UFD1: variants seen among roughly 807,000 people sequenced by gnomAD.
UFD1 encodes ubiquitin recognition factor in ER-associated degradation protein 1.
UFD1 carries 13 observed loss-of-function variants against 45.9 expected under a neutral mutation model. The ratio of observed to expected loss-of-function variants is 0.28; its 90% CI spans 0.18 to 0.45. UFD1 has a LOEUF of 0.45. Among genes scored for constraint, UFD1 ranks in the 20% least tolerant of loss-of-function variants. UFD1 has a pLI of 1.00. For missense variants in UFD1, 218 were observed against 389.2 expected, an observed-to-expected ratio of 0.56 and a Z score of 3.70; for synonymous variants, 128 against 139.2, an observed-to-expected ratio of 0.92 and a Z score of 0.56.
intron 3 of UFD1, 86 bp from the exon 4 acceptor site, chr22:19,471,894 C>A (rs2089848908): frequency 1.8e-5 from 27 of 1,537,154 alleles, no homozygotes; most frequent in Non-Finnish European, 2.4e-5. Flanking sequence ...GGAGCCTCCC[C>A]ACAATCCTGC....
At chr22:19,451,711 A>C in intron 11 of UFD1, 1 of 985,426 alleles carries the variant, frequency 1.0e-6, no homozygotes, top group Non-Finnish European at 1.2e-6. Context: ...CATTCATGTA[A>C]ATTTGAGTCA....
intron 1 of UFD1, 62 bp from the exon 2 acceptor site, chr22:19,475,664 A>G (rs1359351888): frequency 3.2e-6 from 5 of 1,575,768 alleles, no homozygotes; most frequent in Non-Finnish European, 4.4e-6. Context: ...GTCAAAAGCC[A>G]AAACATGTCA....
intron 6 of UFD1, among the ~76,000 whole-genome samples, chr22:19,462,764 T>C (rs575246672): frequency 1.3e-5 from 2 of 152,316 alleles, no homozygotes; most frequent in South Asian, 2.1e-4. Context: ...TACTGCTTTA[T>C]ATGGCAACAT....
At chr22:19,470,083 G>A (rs774736216) in intron 4 of UFD1, 7 of 503,974 alleles carry the variant, frequency 1.4e-5, no homozygotes, top group East Asian at 1.1e-4. Flanking sequence ...TCTACCGGAT[G>A]AGCACAATGT....
intron 11 of UFD1, chr22:19,452,082 G>T: frequency 2.7e-6 from 1 of 371,432 alleles, no homozygotes; most frequent in Non-Finnish European, 3.7e-6. Context: ...TGGTTGGTAT[G>T]TTAGTCTGCT....
At chr22:19,468,413 G>A (rs552665405) in intron 4 of UFD1, among the ~76,000 whole-genome samples, 4 of 152,278 alleles carry the variant, frequency 2.6e-5, no homozygotes, top group African/African-American at 7.2e-5. Flanking sequence ...AGGCTGACCT[G>A]GCAATGGAAT....
intron 4 of UFD1, chr22:19,471,267 T>C: frequency 1.9e-6 from 1 of 519,808 alleles, no homozygotes; most frequent in Non-Finnish European, 3.8e-6. Context: ...TTGAGAGATT[T>C]GGGAGACTAC....
At chr22:19,454,361 C>T in intron 11 of UFD1, 1 of 1,008,226 alleles carries the variant, frequency 9.9e-7, no homozygotes, top group Non-Finnish European at 1.2e-6. Flanking sequence ...TGGGAGGGAC[C>T]AGGTGGGAGG....
chr22:19,454,133 T>G (rs970271905), intron 11 of UFD1: 1 of 985,902 alleles, frequency 1.0e-6, no homozygotes, highest in African/African-American at 1.7e-5. Flanking sequence ...GGGCACACAG[T>G]TCTGTGATAA....
chr22:19,455,750 T>G lies in UFD1; in HGVS notation c.697A>C (p.Asn233His), dbSNP rs778193665. ...LGFRAFSGSGNRLDGKKKGVE... is the reference protein window; with the variant it reads ...LGFRAFSGSGHRLDGKKKGVE... ...CCTTTCTTCTTTCCATCCAGTCTAT[T>G]GCCAGATCCAGAGAAAGCCTAGACA... Residue 233 changes from asparagine (N) to histidine (H), a missense_variant, in exon 10 of 12, where the codon AAT (asparagine) becomes CAT (histidine). Physicochemically the swap from Asn to His is moderately conservative, Grantham distance 68 (BLOSUM62 1). This residue lies in a region of UFD1 where 149 missense variants were observed against 307.5 expected (regional missense o/e 0.48). Coordinates refer to ENST00000263202, the MANE Select transcript of UFD1 (RefSeq NM_005659.7). 6 of 1,613,940 alleles carry G rather than the reference T, an allele frequency of 3.7e-6. No homozygotes were observed. Among genetic ancestry groups the G allele is most frequent in the Non-Finnish European group, 5.1e-6 (6 of 1,179,950 alleles).
intron 9 of UFD1, among the ~76,000 whole-genome samples, 179 bp from the exon 10 acceptor site, chr22:19,455,947 G>A (rs532553969): frequency 6.6e-6 from 1 of 152,212 alleles, no homozygotes; most frequent in Admixed American, 6.5e-5. Context: ...AGTTCCTCAG[G>A]GGGTGGCCAT....
In UFD1 at chr22:19,479,173, G is replaced by T; in HGVS notation, c.-88C>A. 2.5e-6 allele frequency: 4 copies of T among 1,571,462 alleles called. No homozygotes were observed. Among genetic ancestry groups the T allele is most frequent in the Non-Finnish European group, 3.4e-6 (4 of 1,160,604 alleles). ...CGCTCTCCCAGCCGCCGCTGCCGCT[G>T]CCGCCGCGCCAAGCCGGTACGCCCC... On this transcript the variant is annotated 5_prime_UTR_variant, in exon 1 of 12. Coordinates refer to ENST00000263202, the MANE Select transcript of UFD1 (RefSeq NM_005659.7).
At position 19,461,875 on chromosome 22, in the gene UFD1, T is replaced by A. The variant is rs777859455; in HGVS notation, c.495+3327A>T. ...TTTTCTCTAGGAAATAATTTATCAA[T>A]GTCAAATAAGTTGGCTCATTTCTTA... is the stretch of plus-strand genomic sequence containing the variant. On this transcript the variant is annotated intron_variant, in intron 6 of 11. Coordinates refer to ENST00000263202, the MANE Select transcript of UFD1 (RefSeq NM_005659.7). Among the ~76,000 whole-genome samples the A allele has an allele frequency of 2.6e-5, 4 of 152,184 alleles. No homozygotes were observed. The East Asian group carries it at 7.7e-4, about 29-fold the overall frequency.
In UFD1 at chr22:19,458,122, C is replaced by T; in HGVS notation, c.513G>A (p.Val171=). ...CTGCCTTGTCGGGTTTGGTCTCCAT[C>T]ACACGCAGTTCGTAGATCTGTGGGG... ...NYNEKIYELR[V]METKPDKAVS... The change falls in exon 7 of 12, where the codon GTG becomes GTA. Residue 171 remains valine, a synonymous_variant. Coordinates refer to ENST00000263202, the MANE Select transcript of UFD1 (RefSeq NM_005659.7). The T allele has an allele frequency of 6.2e-7, 1 of 1,614,180 alleles. No individual in the cohort carries two copies. Among genetic ancestry groups the T allele is most frequent in the Non-Finnish European group, 8.5e-7 (1 of 1,180,016 alleles).
chr22:19,469,346 T>TG (rs2089827399), intron 4 of UFD1, among the ~76,000 whole-genome samples: 1 of 151,768 alleles, frequency 6.6e-6, no homozygotes, highest in Admixed American at 6.6e-5. Context: ...TGGCCAGGGA[T>TG]GGGGGGTGGC....
chr22:19,465,545 C>A, intron 5 of UFD1: 1 of 422,646 alleles, frequency 2.4e-6, no homozygotes, highest in East Asian at 4.7e-5. Flanking sequence ...AGATTCCATC[C>A]ACATGGAACC....
At chr22:19,456,962 A>C (rs1303143459) in intron 7 of UFD1, 44 bp from the exon 8 acceptor site, 1 of 1,331,334 alleles carries the variant, frequency 7.5e-7, no homozygotes, top group South Asian at 1.3e-5. Context: ...AGACATGACC[A>C]CCCTTGGCTT....
rs780048525 is a variant in UFD1 at position 19,456,843 on chromosome 22, T to C, written c.630+10A>G. On this transcript the variant is annotated intron_variant, in intron 8 of 11. Coordinates refer to ENST00000263202, the MANE Select transcript of UFD1 (RefSeq NM_005659.7). ...GCAGGACAGCAAAGGACACTGAGGA[T>C]AACACTTACTGTCGACTCCTCATGC... 3 of 1,614,132 alleles carry C rather than the reference T, an allele frequency of 1.9e-6. No homozygotes were observed. Among genetic ancestry groups the C allele is most frequent in the Middle Eastern group, 3.3e-4 (2 of 6,062 alleles).
chr22:19,453,037 T>A, intron 11 of UFD1: 2 of 984,486 alleles, frequency 2.0e-6, no homozygotes, highest in Non-Finnish European at 2.4e-6. Flanking sequence ...AAATCCTCTA[T>A]TATTTAGATG....
Sources: allele counts gnomAD v4.1 joint callset (sites outside exome capture counted in the v4.1 genomes callset), GRCh38; gene constraint gnomAD v4.1.1; regional missense constraint gnomAD v4.1.1; transcripts MANE v1.5; gene names NCBI Gene and HGNC (gene_info 2026-07-23, HGNC 2026-07-21).